The following AP1G1 variants were observed in gnomAD, a reference collection of about 807,000 sequenced individuals.
AP1G1 encodes the protein adaptor related protein complex 1 subunit gamma 1, also known as AP-1 complex subunit gamma-1.
Under a neutral mutation model 108.3 loss-of-function variants are expected in AP1G1, and 7 were observed. The observed-to-expected ratio is 0.06, with a 90% CI of 0.04 to 0.12. The LOEUF is 0.12. AP1G1 is among the 10% of genes least tolerant of loss of function. AP1G1 has a pLI of 1.00. For missense variants in AP1G1, 756 were observed against 1,010.7 expected, an observed-to-expected ratio of 0.75 and a Z score of 3.42; for synonymous variants, 379 against 353.5, an observed-to-expected ratio of 1.07 and a Z score of -0.81.
intron 19 of AP1G1, chr16:71,742,598 T>C (rs1001343263): frequency 1.3e-5 from 2 of 152,192 alleles, no homozygotes; most frequent in African/African-American, 4.8e-5. Flanking sequence ...TCACTTAGTC[T>C]AACAAATTAA....
At chr16:71,771,732 G>C (rs950186428) in intron 4 of AP1G1, among the ~76,000 whole-genome samples, 4 of 152,124 alleles carry the variant, frequency 2.6e-5, no homozygotes, top group African/African-American at 9.7e-5. Flanking sequence ...TTTTAAGGAA[G>C]TAAAAATAGA....
At chr16:71,775,231 C>T (rs1046719536) in intron 2 of AP1G1, among the ~76,000 whole-genome samples, 1 of 150,986 alleles carries the variant, frequency 6.6e-6, no homozygotes, top group African/African-American at 2.4e-5. Flanking sequence ...AGGGTTTCAA[C>T]ATGTTGGCCA....
intron 19 of AP1G1, among the ~76,000 whole-genome samples, chr16:71,741,924 A>G (rs1029527204): frequency 5.9e-5 from 9 of 152,250 alleles, no homozygotes; most frequent in Non-Finnish European, 1.2e-4. Flanking sequence ...TTAGGAGAAG[A>G]GCAGAAACTT....
chr16:71,758,444 A>G (rs752228927), intron 11 of AP1G1: 95 of 525,524 alleles, frequency 1.8e-4, no homozygotes, highest in Non-Finnish European at 1.2e-4. Flanking sequence ...GTGACAAGAC[A>G]CTTAGCCGAT....
At chr16:71,800,093 G>A (rs1050014495) in intron 1 of AP1G1, among the ~76,000 whole-genome samples, 24 of 151,406 alleles carry the variant, frequency 1.6e-4, no homozygotes, top group African/African-American at 4.6e-4. Flanking sequence ...TGCCGGGCAC[G>A]GTGGCTCACG....
At chr16:71,733,410 T>C (rs139951542) in intron 22 of AP1G1, among the ~76,000 whole-genome samples, 2 of 152,162 alleles carry the variant, frequency 1.3e-5, no homozygotes, top group Non-Finnish European at 1.5e-5. Context: ...TTGAACTGCA[T>C]TAAAAGGACA....
intron 10 of AP1G1, among the ~76,000 whole-genome samples, chr16:71,759,245 G>T (rs1424990478): frequency 6.6e-6 from 1 of 151,836 alleles, no homozygotes; most frequent in South Asian, 2.1e-4. Flanking sequence ...GATACCTGAG[G>T]TCAGGAGTTC....
chr16:71,748,473 C>T, intron 15 of AP1G1, 95 bp from the exon 16 acceptor site: 1 of 1,378,766 alleles, frequency 7.3e-7, no homozygotes. Flanking sequence ...GCCAGAAAGA[C>T]AATCCTACCG....
At chr16:71,801,106 A>G (rs2032780926) in intron 1 of AP1G1, among the ~76,000 whole-genome samples, 1 of 152,184 alleles carries the variant, frequency 6.6e-6, no homozygotes, top group African/African-American at 2.4e-5. Flanking sequence ...CAGGAGTTTG[A>G]TACCAGCCAG....
At chr16:71,788,766 A>G (rs1157641934) in intron 2 of AP1G1, among the ~76,000 whole-genome samples, 1 of 151,842 alleles carries the variant, frequency 6.6e-6, no homozygotes, top group Non-Finnish European at 1.5e-5. Flanking sequence ...GGCACAAGCA[A>G]TCCTCTTGAC....
intron 19 of AP1G1, among the ~76,000 whole-genome samples, chr16:71,742,125 T>C (rs1171288542): frequency 6.6e-6 from 1 of 152,136 alleles, no homozygotes; most frequent in Non-Finnish European, 1.5e-5. Flanking sequence ...ACCCAGACTT[T>C]TTAACATTTT....
chr16:71,784,520 T>C (rs949308281), intron 2 of AP1G1, among the ~76,000 whole-genome samples: 1 of 152,208 alleles, frequency 6.6e-6, no homozygotes, highest in Non-Finnish European at 1.5e-5. Context: ...GTTTATGCCA[T>C]CTCAAATCCT....
chr16:71,766,400 T>A (rs2031315359), intron 6 of AP1G1: 1 of 467,946 alleles, frequency 2.1e-6, no homozygotes, highest in Non-Finnish European at 4.4e-6. Context: ...AAAGGCAATT[T>A]TACTGCCAAG....
intron 1 of AP1G1, among the ~76,000 whole-genome samples, chr16:71,795,897 G>A (rs1363668026): frequency 6.6e-6 from 1 of 152,162 alleles, no homozygotes; most frequent in East Asian, 1.9e-4. Context: ...GTGAATAAAC[G>A]GAAAAGACCA....
intron 3 of AP1G1, among the ~76,000 whole-genome samples, chr16:71,773,958 C>G (rs1019430076): frequency 6.7e-6 from 1 of 149,512 alleles, no homozygotes; most frequent in Non-Finnish European, 1.5e-5. Flanking sequence ...TTAGTAGAAA[C>G]GGGGTTTCAC....
intron 1 of AP1G1, among the ~76,000 whole-genome samples, chr16:71,789,772 T>C (rs1270562856): frequency 6.6e-6 from 1 of 152,196 alleles, no homozygotes; most frequent in Non-Finnish European, 1.5e-5. Flanking sequence ...AATATCAAAA[T>C]ATCTCAGAAA....
Position 71,794,835 on chromosome 16 carries a change from C to CTTTTTTTTTTTTTTTTTTTTT in AP1G1, c.-3-5374_-3-5354dup, listed in dbSNP as rs55761928. ...TACCATTCTCAGGCCATGAGAAGTGCTTTTTTTTTTTTTTTTTTTTTTTTT... is the reference window on the plus strand; with the variant it reads ...TACCATTCTCAGGCCATGAGAAGTGCTTTTTTTTTTTTTTTTTTTTTTTTTTTTTTTTTTTTTTTTTTTTTT... On this transcript the variant is annotated intron_variant, in intron 1 of 22. Coordinates refer to ENST00000299980, the MANE Select transcript of AP1G1 (RefSeq NM_001128.6). 4.0e-4 allele frequency among the ~76,000 whole-genome samples: 16 copies of CTTTTTTTTTTTTTTTTTTTTT among 39,658 alleles called. 2 individuals carry two copies. The highest frequency in any genetic ancestry group is 6.8e-4 in the Non-Finnish European group (16 of 23,472). 26.0% of individuals were successfully genotyped at this position (39,658 alleles called of 152,430 possible).
chr16:71,808,670 C>T (rs919741506), intron 1 of AP1G1, 93 bp downstream of exon 1: 14 of 1,288,380 alleles, frequency 1.1e-5, no homozygotes, highest in Non-Finnish European at 1.4e-5. Flanking sequence ...GGGACTGGAC[C>T]CCTGAAACTG....
Position 71,729,744 on chromosome 16 carries a change from A to G in AP1G1, c.*3314T>C, listed in dbSNP as rs539443670. 27 of 152,776 alleles carry G rather than the reference A, an allele frequency of 1.8e-4. No homozygotes were observed. Among genetic ancestry groups the G allele is most frequent in the African/African-American group, 6.5e-4 (27 of 41,584 alleles). The allele number at this position is 152,776 out of a possible 1,614,324, so 9.5% of individuals were successfully genotyped here. A position where few individuals can be genotyped will look rare whatever the true frequency, so the allele number is the denominator to read the frequency against. On this transcript the variant is annotated 3_prime_UTR_variant, in exon 23 of 23. Coordinates refer to ENST00000299980, the MANE Select transcript of AP1G1 (RefSeq NM_001128.6). The stretch of plus-strand genomic sequence containing the variant: ...CAAAGTCATGAATACACAGACATGT[A>G]AAACCACTCTCCCAACTACAAAGTT...
Sources: gnomAD v4.1 joint callset for allele counts (sites outside exome capture counted in the v4.1 genomes callset) on GRCh38, gnomAD v4.1.1 for gene constraint, MANE v1.5 for transcripts, NCBI Gene and HGNC (gene_info 2026-07-23, HGNC 2026-07-21) for gene names.